The following DSN1 variants were observed in gnomAD, a reference collection of about 807,000 sequenced individuals.
DSN1 encodes the protein DSN1 component of MIS12 kinetochore complex, also known as kinetochore-associated protein DSN1 homolog.
Under a neutral mutation model 45.7 loss-of-function variants are expected in DSN1, and 31 were observed. The ratio of observed to expected loss-of-function variants is 0.68; its 90% CI spans 0.51 to 0.92. The LOEUF is 0.92. DSN1 is among the 40% of genes least tolerant of loss of function. The pLI is 0.00. For synonymous variants in DSN1, 134 were observed against 142.3 expected (o/e 0.94, Z 0.41); for missense variants, 394 against 414.2 (o/e 0.95, Z 0.42).
Position 36,752,781 on chromosome 20 carries a change from C to T in DSN1, c.*7G>A, listed in dbSNP as rs900680665. 1 of 1,612,632 alleles carries T rather than the reference C, an allele frequency of 6.2e-7. No homozygotes were observed. The highest frequency in any genetic ancestry group is 1.3e-5 in the African/African-American group (1 of 75,020). On this transcript the variant is annotated 3_prime_UTR_variant, in exon 11 of 11. Coordinates refer to ENST00000373750, the MANE Select transcript of DSN1 (RefSeq NM_001145315.2). ...TTGGGCACCTTGTGGCAGAAACTCT[C>T]ATAAAGTCACTGACAAGATCCAGAT...
At chr20:36,769,793 G>T (rs745603359) in intron 3 of DSN1, among the ~76,000 whole-genome samples, 1 of 151,760 alleles carries the variant, frequency 6.6e-6, no homozygotes, top group Admixed American at 6.6e-5. Context: ...GCTTTTCCAC[G>T]TTATGTTCTG....
At chr20:36,763,462 A>G (rs1987127634) in intron 5 of DSN1, among the ~76,000 whole-genome samples, 1 of 151,762 alleles carries the variant, frequency 6.6e-6, no homozygotes, top group Non-Finnish European at 1.5e-5. Flanking sequence ...AGAGGGTAAT[A>G]AGAAACACGG....
intron 4 of DSN1, 83 bp from the exon 5 acceptor site, chr20:36,766,924 T>C: frequency 1.1e-6 from 1 of 935,008 alleles, no homozygotes; most frequent in South Asian, 1.6e-5. Context: ...TGATGTTTAA[T>C]AAATATGAAA....
chr20:36,768,225 C>T (rs1290633596), intron 3 of DSN1, among the ~76,000 whole-genome samples, 183 bp from the exon 4 acceptor site: 1 of 151,698 alleles, frequency 6.6e-6, no homozygotes, highest in African/African-American at 2.4e-5. Context: ...ATTTGTTCAT[C>T]TAAACTTAAA....
At chr20:36,764,220 CAA>C (rs151127917) in intron 5 of DSN1, among the ~76,000 whole-genome samples, 13 of 126,468 alleles carry the variant, frequency 1.0e-4, no homozygotes, top group Non-Finnish European at 8.5e-5. Context: ...GATCCTGTCT[CAA>C]AAAAAAAAAA....
In DSN1 at chr20:36,762,547, T is replaced by C. The variant is rs764675151; in HGVS notation, c.504A>G (p.Ala168=). 6.2e-7 allele frequency: 1 copy of C among 1,612,390 alleles called. No homozygotes were observed. Among genetic ancestry groups the C allele is most frequent in the South Asian group, 1.1e-5 (1 of 90,716 alleles). ...GFSLESFRAK[A]SSLSEELKHF... ...GTTTCAATTCTTCAGAAAGAGAAGA[T>C]GCTAGACAGCACAAATTTACGTGTC... Residue 168 remains alanine, a splice_region_variant and synonymous_variant, in exon 6 of 11, where the codon GCA becomes GCG. Transcript: ENST00000373750.
chr20:36,753,180 C>T (rs78020991), intron 10 of DSN1, among the ~76,000 whole-genome samples: 1 of 83,112 alleles, frequency 1.2e-5, no homozygotes, highest in African/African-American at 4.1e-5. Flanking sequence ...CTTGTCTCTA[C>T]AAAAAAAAAA....
chr20:36,756,949 A>T (rs1986708005), intron 8 of DSN1, among the ~76,000 whole-genome samples: 2 of 152,246 alleles, frequency 1.3e-5, no homozygotes, highest in Admixed American at 6.5e-5. Flanking sequence ...CTCTACTGAG[A>T]GGCCACTTTT....
intron 8 of DSN1, 80 bp downstream of exon 8, chr20:36,758,007 T>G: frequency 7.5e-7 from 1 of 1,326,714 alleles, no homozygotes; most frequent in African/African-American, 1.5e-5. Flanking sequence ...CATCTTTCAA[T>G]TTGTGCTAAC....
intron 5 of DSN1, among the ~76,000 whole-genome samples, chr20:36,762,992 G>A (rs1461989977): frequency 7.9e-5 from 12 of 152,160 alleles, no homozygotes; most frequent in Admixed American, 4.6e-4. Context: ...TGGCTCCAGC[G>A]ATTCGCCTGC....
At position 36,762,543 on chromosome 20, in the gene DSN1, A is replaced by T; in HGVS notation, c.508T>A (p.Ser170Thr). Reference protein sequence around the residue: ...SLESFRAKASSLSEELKHFAD... With the variant: ...SLESFRAKASTLSEELKHFAD... ...AAATGTTTCAATTCTTCAGAAAGAG[A>T]AGATGCTAGACAGCACAAATTTACG... Residue 170 changes from serine (S) to threonine (T), a missense_variant, in exon 6 of 11, where the codon TCT becomes ACT. Transcript: ENST00000373750. The T allele has an allele frequency of 6.2e-7, 1 of 1,613,486 alleles. No homozygotes were observed. Among genetic ancestry groups the T allele is most frequent in the Non-Finnish European group, 8.5e-7 (1 of 1,179,706 alleles).
rs1287377185 is a variant in DSN1 at position 36,766,817 on chromosome 20, A to C, written c.454T>G (p.Phe152Val). ...FQFSIQKLEP[F>V]LRDTKGFSLE... ...CTGAAGCCCTTAGTGTCCCTTAGGA[A>C]AGGTTCAAGTTTCTGAATAGAGAAC... Residue 152 changes from phenylalanine to valine, a missense_variant, in exon 5 of 11, where the codon TTC (phenylalanine) becomes GTC (valine). Phe to Val is a conservative substitution (Grantham distance 50, BLOSUM62 -1). Coordinates refer to ENST00000373750, the MANE Select transcript of DSN1 (RefSeq NM_001145315.2). 1 of 1,607,896 alleles carries C rather than the reference A, an allele frequency of 6.2e-7. No homozygotes were observed.
intron 1 of DSN1, 100 bp downstream of exon 1, chr20:36,773,562 C>T: frequency 3.0e-6 from 3 of 985,880 alleles, no homozygotes; most frequent in Non-Finnish European, 3.6e-6. Flanking sequence ...GCTGGGCCGA[C>T]GGGTACGACG....
chr20:36,770,567 A>T (rs766529888), intron 3 of DSN1, among the ~76,000 whole-genome samples: 2 of 152,206 alleles, frequency 1.3e-5, no homozygotes, highest in Non-Finnish European at 2.9e-5. Context: ...ATAATATAAT[A>T]TAAGTAGTAA....
intron 3 of DSN1, among the ~76,000 whole-genome samples, chr20:36,769,606 T>C (rs1987525022): frequency 6.6e-6 from 1 of 152,172 alleles, no homozygotes; most frequent in African/African-American, 2.4e-5. Context: ...AATAGGACGA[T>C]ACCTTAAAAC....
chr20:36,755,597 T>C (rs1986624577), intron 9 of DSN1, 85 bp downstream of exon 9: 5 of 1,494,974 alleles, frequency 3.3e-6, no homozygotes, highest in Admixed American at 2.2e-5. Context: ...CTTACACTTA[T>C]ACATTTCTCC....
chr20:36,755,454 C>G (rs766929930), intron 9 of DSN1, among the ~76,000 whole-genome samples: 7 of 152,018 alleles, frequency 4.6e-5, no homozygotes, highest in Non-Finnish European at 7.4e-5. Flanking sequence ...AAATAGCAAC[C>G]CACCAACCTC....
At chr20:36,773,320 G>C (rs750066526) in intron 1 of DSN1, 23 of 957,686 alleles carry the variant, frequency 2.4e-5, no homozygotes, top group Non-Finnish European at 2.7e-5. Flanking sequence ...CAAAAAGCCT[G>C]GCCCAAGCTT....
At chr20:36,754,931 T>C in intron 9 of DSN1, 81 bp from the exon 10 acceptor site, 1 of 1,203,482 alleles carries the variant, frequency 8.3e-7, no homozygotes, top group Non-Finnish European at 1.2e-6. Context: ...AAGCTCTTGC[T>C]CAGGAGCTCT....
Sources: gnomAD v4.1 joint callset for allele counts (sites outside exome capture counted in the v4.1 genomes callset) on GRCh38, gnomAD v4.1.1 for gene constraint, MANE v1.5 for transcripts, NCBI Gene and HGNC (gene_info 2026-07-23, HGNC 2026-07-21) for gene names.